Variants in KCNJ3 observed in about 807,000 individuals in gnomAD.
KCNJ3 encodes the protein potassium inwardly rectifying channel subfamily J member 3.
In KCNJ3, 4 loss-of-function variants were observed where a neutral mutation model predicts 39.2. That is an observed-to-expected ratio of 0.10 (90% CI 0.05 to 0.23). The LOEUF is 0.23. KCNJ3 is among the 10% of genes least tolerant of loss of function. KCNJ3 has a pLI of 1.00. For synonymous variants in KCNJ3, 230 were observed against 237.4 expected, an observed-to-expected ratio of 0.97 and a Z score of 0.29; for missense variants, 276 against 634.9, an observed-to-expected ratio of 0.43 and a Z score of 6.08.
At chr2:154,739,138 C>CT (rs1178463695) in intron 2 of KCNJ3, among the ~76,000 whole-genome samples, 1 of 151,920 alleles carries the variant, frequency 6.6e-6, no homozygotes, top group Non-Finnish European at 1.5e-5. Flanking sequence ...TGTTTTTATA[C>CT]TTTTTAGTAT....
chr2:154,780,382 G>T (rs1455259334), intron 2 of KCNJ3, among the ~76,000 whole-genome samples: 1 of 152,174 alleles, frequency 6.6e-6, no homozygotes, highest in East Asian at 1.9e-4. Context: ...TCTTATAGGT[G>T]ATGGAGAACG....
rs1336877036 is a variant in KCNJ3 at position 154,768,218 on chromosome 2, T to C, written c.919+58399T>C. Among the ~76,000 whole-genome samples, 4 of 152,344 alleles carry C rather than the reference T, an allele frequency of 2.6e-5. No individual in the cohort carries two copies. In the East Asian group the frequency reaches 7.7e-4, roughly 29 times the overall value. ...AGATCCCATTTGTCAATTTTGTCTT[T>C]TGTTGCCATTGCATTTGGCATTTTA... On this transcript the variant is annotated intron_variant, in intron 2 of 2. Transcript: ENST00000295101.
chr2:154,837,349 TTGTA>T (rs1433563043), intron 2 of KCNJ3, among the ~76,000 whole-genome samples: 1 of 151,992 alleles, frequency 6.6e-6, no homozygotes, highest in Non-Finnish European at 1.5e-5. Context: ...AAGAAGCTCT[TTGTA>T]TGGATGTTTC....
At chr2:154,768,928 A>G (rs1686183733) in intron 2 of KCNJ3, among the ~76,000 whole-genome samples, 1 of 151,948 alleles carries the variant, frequency 6.6e-6, no homozygotes, top group Non-Finnish European at 1.5e-5. Context: ...ATTCCTAGGT[A>G]TTTTATTCTT....
chr2:154,775,094 T>G (rs1011331327), intron 2 of KCNJ3, among the ~76,000 whole-genome samples: 1 of 152,110 alleles, frequency 6.6e-6, no homozygotes, highest in African/African-American at 2.4e-5. Flanking sequence ...TTTTTGTACT[T>G]TTTGTAGAGA....
chr2:154,723,315 A>G (rs1012114073), intron 2 of KCNJ3, among the ~76,000 whole-genome samples: 1 of 152,090 alleles, frequency 6.6e-6, no homozygotes, highest in Non-Finnish European at 1.5e-5. Flanking sequence ...AAAGCAGGAA[A>G]TATATAATGG....
rs368490174 is a variant in KCNJ3 at position 154,734,440 on chromosome 2, C to T, written c.919+24621C>T. The stretch of plus-strand genomic sequence containing the variant: ...AATACCGCTCACCCTCTCCTTCATC[C>T]TCTGCAAACAGTGAATTAGTGAAGT... On this transcript the variant is annotated intron_variant, in intron 2 of 2. Coordinates refer to ENST00000295101, the MANE Select transcript of KCNJ3 (RefSeq NM_002239.4). 2.6e-5 allele frequency among the ~76,000 whole-genome samples: 4 copies of T among 152,312 alleles called. No individual in the cohort carries two copies. The South Asian group carries it at 6.2e-4, about 24-fold the overall frequency.
At chr2:154,757,862 T>G (rs2105186423) in intron 2 of KCNJ3, among the ~76,000 whole-genome samples, 1 of 152,170 alleles carries the variant, frequency 6.6e-6, no homozygotes, top group African/African-American at 2.4e-5. Context: ...AGGGTACTAA[T>G]CCCATTCATG....
chr2:154,723,268 G>A (rs775766738), intron 2 of KCNJ3, among the ~76,000 whole-genome samples: 3 of 151,386 alleles, frequency 2.0e-5, no homozygotes, highest in Non-Finnish European at 4.4e-5. Flanking sequence ...CTGGGCAACA[G>A]AGTGAGATCC....
At chr2:154,754,955 GTTGGTT>G (rs1685912176) in intron 2 of KCNJ3, among the ~76,000 whole-genome samples, 1 of 151,922 alleles carries the variant, frequency 6.6e-6, no homozygotes, top group African/African-American at 2.4e-5. Flanking sequence ...TTTTTCTTGT[GTTGGTT>G]TTGGTCAGTT....
chr2:154,775,021 A>G (rs1686308347), intron 2 of KCNJ3, among the ~76,000 whole-genome samples: 1 of 152,060 alleles, frequency 6.6e-6, no homozygotes, highest in Admixed American at 6.6e-5. Context: ...GGCTCAAGCT[A>G]TCCTCCTGTT....
intron 2 of KCNJ3, among the ~76,000 whole-genome samples, chr2:154,710,929 G>T (rs1335406529): frequency 6.6e-6 from 1 of 151,964 alleles, no homozygotes; most frequent in Non-Finnish European, 1.5e-5. Flanking sequence ...TGAAATTTAC[G>T]CAAGATATCT....
intron 2 of KCNJ3, among the ~76,000 whole-genome samples, chr2:154,816,793 A>C (rs966890976): frequency 1.6e-4 from 24 of 152,202 alleles, no homozygotes; most frequent in African/African-American, 5.8e-4. Flanking sequence ...GTAAGTATTA[A>C]TAATTATTCT....
At chr2:154,749,252 C>A (rs946853320) in intron 2 of KCNJ3, among the ~76,000 whole-genome samples, 1 of 151,942 alleles carries the variant, frequency 6.6e-6, no homozygotes, top group African/African-American at 2.4e-5. Context: ...TAGATGATAC[C>A]AAGAGACCCC....
At chr2:154,801,526 C>G (rs1385339616) in intron 2 of KCNJ3, among the ~76,000 whole-genome samples, 1 of 140,134 alleles carries the variant, frequency 7.1e-6, no homozygotes, top group Non-Finnish European at 1.6e-5. Context: ...TCTTTCTTTC[C>G]TTCTTTCCTT....
At chr2:154,848,894 T>G (rs1687708479) in intron 2 of KCNJ3, among the ~76,000 whole-genome samples, 1 of 152,214 alleles carries the variant, frequency 6.6e-6, no homozygotes. Context: ...CTTTGATTTT[T>G]ATTGTGGCAA....
At chr2:154,843,412 G>T (rs182774783) in intron 2 of KCNJ3, among the ~76,000 whole-genome samples, 7 of 152,114 alleles carry the variant, frequency 4.6e-5, no homozygotes, top group African/African-American at 1.4e-4. Flanking sequence ...ACAATTATGT[G>T]TCTTGGGGTT....
chr2:154,753,641 G>A (rs1449775578), intron 2 of KCNJ3, among the ~76,000 whole-genome samples: 1 of 152,084 alleles, frequency 6.6e-6, no homozygotes, highest in African/African-American at 2.4e-5. Flanking sequence ...ATTTAAAAAT[G>A]TGTATTTGAC....
At chr2:154,839,468 T>C (rs1005011825) in intron 2 of KCNJ3, among the ~76,000 whole-genome samples, 1 of 152,176 alleles carries the variant, frequency 6.6e-6, no homozygotes, top group African/African-American at 2.4e-5. Context: ...GATTGCTGGG[T>C]CAAATGGTAA....
Sources: allele counts gnomAD v4.1 joint callset (sites outside exome capture counted in the v4.1 genomes callset), GRCh38; gene constraint gnomAD v4.1.1; transcripts MANE v1.5; gene names NCBI Gene and HGNC (gene_info 2026-07-23, HGNC 2026-07-21).